Variants in SOHLH2 observed in about 807,000 individuals in gnomAD.
SOHLH2 encodes the protein spermatogenesis and oogenesis specific basic helix-loop-helix 2.
Under a neutral mutation model 50.4 loss-of-function variants are expected in SOHLH2, and 22 were observed. The ratio of observed to expected loss-of-function variants is 0.44; its 90% CI spans 0.31 to 0.62. The LOEUF is 0.62. Among genes scored for constraint, SOHLH2 ranks in the 20% least tolerant of loss-of-function variants. The pLI, the probability that SOHLH2 is intolerant of heterozygous loss-of-function variation, is 0.08. For missense variants in SOHLH2, 412 were observed against 504.4 expected (o/e 0.82, Z 1.76); for synonymous variants, 185 against 187.3 (o/e 0.99, Z 0.10).
intron 10 of SOHLH2, among the ~76,000 whole-genome samples, chr13:36,169,786 C>T (rs1886912526): frequency 6.6e-6 from 1 of 152,200 alleles, no homozygotes. Context: ...ATTCCTCACC[C>T]CTCTACCTAG....
intron 6 of SOHLH2, among the ~76,000 whole-genome samples, chr13:36,181,516 T>A: frequency 6.6e-6 from 1 of 152,194 alleles, no homozygotes; most frequent in East Asian, 1.9e-4. Flanking sequence ...CTCTAGGGAT[T>A]ACAATATATA....
intron 6 of SOHLH2, among the ~76,000 whole-genome samples, chr13:36,187,403 T>A (rs1423209040): frequency 6.6e-6 from 1 of 152,212 alleles, no homozygotes; most frequent in South Asian, 2.1e-4. Context: ...AATCTTAGGA[T>A]ATCAATTGTA....
intron 6 of SOHLH2, among the ~76,000 whole-genome samples, chr13:36,189,638 A>G (rs928643452): frequency 1.3e-5 from 2 of 152,192 alleles, no homozygotes; most frequent in African/African-American, 4.8e-5. Flanking sequence ...TCATCATGAC[A>G]TGTATTAAAA....
chr13:36,208,545 T>A (rs1868919614), intron 1 of SOHLH2, among the ~76,000 whole-genome samples: 1 of 152,150 alleles, frequency 6.6e-6, no homozygotes, highest in African/African-American at 2.4e-5. Context: ...CAAGGCAGCA[T>A]CCTTAACATG....
Position 36,201,697 on chromosome 13 carries a change from C to T in SOHLH2, c.263+182G>A, listed in dbSNP as rs1015831389. Among the ~76,000 whole-genome samples the T allele has an allele frequency of 2.8e-4, 42 of 152,156 alleles. No individual in the cohort carries two copies. The Middle Eastern group carries it at 0.014, about 49-fold the overall frequency. Reference sequence around the variant, plus strand: ...GTTGCCCAGGCAGGTCTGGAACTCCCGGGTTAAAGCAATCATCCCACATCG... The same window carrying T: ...GTTGCCCAGGCAGGTCTGGAACTCCTGGGTTAAAGCAATCATCCCACATCG... On this transcript the variant is annotated intron_variant, in intron 2 of 10. Transcript: ENST00000379881.
chr13:36,194,678 A>C (rs1023053881), intron 2 of SOHLH2, among the ~76,000 whole-genome samples: 16 of 152,330 alleles, frequency 1.1e-4, no homozygotes, highest in African/African-American at 3.8e-4. Flanking sequence ...GAATTCGATA[A>C]TTGGATGGAT....
At chr13:36,200,910 G>C (rs550003842) in intron 2 of SOHLH2, among the ~76,000 whole-genome samples, 135 of 151,960 alleles carry the variant, frequency 8.9e-4, no homozygotes, top group Non-Finnish European at 1.6e-3. Context: ...TTAGCCAGGC[G>C]TGGTGGCACC....
At chr13:36,204,241 G>A (rs1255245846) in intron 1 of SOHLH2, among the ~76,000 whole-genome samples, 13 of 151,942 alleles carry the variant, frequency 8.6e-5, no homozygotes, top group African/African-American at 2.4e-4. Context: ...GTGAGCCACC[G>A]TGCCCAGCCC....
At chr13:36,213,618 AAC>A (rs1344805261) in intron 1 of SOHLH2, among the ~76,000 whole-genome samples, 4 of 152,310 alleles carry the variant, frequency 2.6e-5, no homozygotes. Flanking sequence ...TTTTATCGAA[AAC>A]AGTTACAAAA....
chr13:36,209,800 TG>T (rs1869001499), intron 1 of SOHLH2, among the ~76,000 whole-genome samples: 1 of 152,166 alleles, frequency 6.6e-6, no homozygotes, highest in Non-Finnish European at 1.5e-5. Flanking sequence ...AACATAAATA[TG>T]AATCAAGAAC....
chr13:36,170,907 T>C lies in SOHLH2; in HGVS notation c.1001-120A>G, dbSNP rs532678275. 71 of 1,441,348 alleles carry C rather than the reference T, an allele frequency of 4.9e-5. No individual in the cohort carries two copies. The Admixed American group carries it at 1.0e-3, about 21-fold the overall frequency. 89.3% of individuals were successfully genotyped at this position (1,441,348 alleles called of 1,614,324 possible). A position where few individuals can be genotyped will look rare whatever the true frequency, so the allele number is the denominator to read the frequency against. The stretch of plus-strand genomic sequence containing the variant: ...CCTCACATTACAAATCTGTACTACC[T>C]GCTACACCCGAATGCTGATGGAAAA... On this transcript the variant is annotated intron_variant, in intron 9 of 10. Coordinates refer to ENST00000379881, the MANE Select transcript of SOHLH2 (RefSeq NM_017826.3).
At chr13:36,173,646 A>G (rs377124927) in intron 9 of SOHLH2, 46 bp downstream of exon 9, 68 of 1,608,850 alleles carry the variant, frequency 4.2e-5, no homozygotes, top group Non-Finnish European at 5.7e-5. Context: ...TTTGCAGGGC[A>G]GGGCAGGTCC....
chr13:36,193,998 T>C, intron 2 of SOHLH2, 131 bp from the exon 3 acceptor site: 1 of 777,690 alleles, frequency 1.3e-6, no homozygotes, highest in Non-Finnish European at 1.9e-6. Context: ...ATAATATCAT[T>C]AATATGGAAA....
intron 4 of SOHLH2, among the ~76,000 whole-genome samples, chr13:36,192,529 A>T (rs1887605636): frequency 6.6e-6 from 1 of 152,220 alleles, no homozygotes. Flanking sequence ...TAAAAAGAAC[A>T]TTAAAAAAGG....
intron 1 of SOHLH2, among the ~76,000 whole-genome samples, chr13:36,210,527 T>A (rs1315309148): frequency 6.6e-6 from 1 of 152,134 alleles, no homozygotes; most frequent in Non-Finnish European, 1.5e-5. Context: ...TTGTTGTATC[T>A]CCTTGATCTT....
intron 9 of SOHLH2, 30 bp from the exon 10 acceptor site, chr13:36,170,817 C>A: frequency 6.3e-7 from 1 of 1,599,836 alleles, no homozygotes; most frequent in South Asian, 1.1e-5. Flanking sequence ...AAATATGGGT[C>A]AGTATCCACA....
intron 6 of SOHLH2, among the ~76,000 whole-genome samples, chr13:36,185,949 A>C (rs1376649866): frequency 6.6e-6 from 1 of 152,234 alleles, no homozygotes; most frequent in African/African-American, 2.4e-5. Flanking sequence ...ACATTTCTAC[A>C]CAAATTGTTT....
intron 1 of SOHLH2, among the ~76,000 whole-genome samples, chr13:36,206,493 TTGAC>T (rs1198560850): frequency 1.3e-5 from 2 of 152,190 alleles, no homozygotes; most frequent in Non-Finnish European, 2.9e-5. Context: ...TTTTATTTTT[TTGAC>T]TATTTGTTAG....
chr13:36,194,602 T>C (rs887315680), intron 2 of SOHLH2, among the ~76,000 whole-genome samples: 1 of 152,190 alleles, frequency 6.6e-6, no homozygotes, highest in Non-Finnish European at 1.5e-5. Flanking sequence ...TTTCTTGAAA[T>C]TTTTCAAATA....
Sources: allele counts gnomAD v4.1 joint callset (sites outside exome capture counted in the v4.1 genomes callset), GRCh38; gene constraint gnomAD v4.1.1; transcripts MANE v1.5; gene names NCBI Gene and HGNC (gene_info 2026-07-23, HGNC 2026-07-21).